The following CAPRIN2 variants were observed in gnomAD, a reference collection of about 807,000 sequenced individuals.
CAPRIN2 encodes the protein caprin-2.
A neutral mutation model predicts 130.4 loss-of-function variants in CAPRIN2; 66 were observed. The observed-to-expected ratio is 0.51, with a 90% CI of 0.42 to 0.62. The LOEUF (loss-of-function observed/expected upper bound fraction) is 0.62, where lower values mean the gene tolerates loss of function less well. CAPRIN2 is among the 20% of genes least tolerant of loss of function. The probability of loss-of-function intolerance (pLI) is 0.00; values close to 1 mark genes in which losing one functional copy is unlikely to be tolerated. For missense variants in CAPRIN2, 1,185 were observed against 1,246.6 expected (o/e 0.95, Z 0.74); for synonymous variants, 471 against 444.1 (o/e 1.06, Z -0.76).
chr12:30,734,934 G>A, intron 4 of CAPRIN2, 34 bp downstream of exon 5: 4 of 1,434,546 alleles, frequency 2.8e-6, no homozygotes, highest in Non-Finnish European at 3.9e-6. Flanking sequence ...AGTGTCAAGT[G>A]TTTCATTTCA....
At chr12:30,722,089 G>A (rs2059587034) in intron 11 of CAPRIN2, among the ~76,000 whole-genome samples, 1 of 152,142 alleles carries the variant, frequency 6.6e-6, no homozygotes, top group Non-Finnish European at 1.5e-5. Context: ...AGGCATCTTA[G>A]GCCACTTGAT....
At chr12:30,736,066 G>A (rs762584589) in intron 3 of CAPRIN2, among the ~76,000 whole-genome samples, 33 of 151,770 alleles carry the variant, frequency 2.2e-4, no homozygotes, top group Non-Finnish European at 4.1e-4. Flanking sequence ...GCTTGAGCCC[G>A]GGAGGTCAAG....
intron 5 of CAPRIN2, 26 bp downstream of exon 6, chr12:30,733,602 CA>C: frequency 2.7e-6 from 4 of 1,483,170 alleles, no homozygotes; most frequent in Non-Finnish European, 3.8e-6. Context: ...GTATTTACTG[CA>C]TAAGTCCAGA....
At chr12:30,725,554 A>T (rs901990932) in intron 9 of CAPRIN2, among the ~76,000 whole-genome samples, 2 of 152,170 alleles carry the variant, frequency 1.3e-5, no homozygotes, top group African/African-American at 4.8e-5. Flanking sequence ...TTTAACATAA[A>T]TTTACAATCT....
chr12:30,746,196 T>C (rs2070238872), intron 2 of CAPRIN2, among the ~76,000 whole-genome samples: 1 of 152,224 alleles, frequency 6.6e-6, no homozygotes, highest in African/African-American at 2.4e-5. Context: ...GCAGTGAAAG[T>C]ATTCTGTATG....
intron 3 of CAPRIN2, among the ~76,000 whole-genome samples, chr12:30,739,820 G>A (rs2066587283): frequency 6.6e-6 from 1 of 152,054 alleles, no homozygotes; most frequent in Non-Finnish European, 1.5e-5. Flanking sequence ...TAAAAATCAA[G>A]TGGAGCTGCA....
chr12:30,726,137 C>A (rs757059015), intron 8 of CAPRIN2, 49 bp from the exon 10 acceptor site: 3 of 1,345,392 alleles, frequency 2.2e-6, no homozygotes, highest in Non-Finnish European at 1.9e-6. Flanking sequence ...AATTCAAGAG[C>A]CTAATCTAGG....
chr12:30,753,784 T>C (rs753371173), exon 1 of CAPRIN2: 3 of 1,582,886 alleles, frequency 1.9e-6, no homozygotes, highest in Non-Finnish European at 2.6e-6. Flanking sequence ...AAGTAATTAG[T>C]GCCGCTAGCC....
At chr12:30,723,209 G>A in intron 11 of CAPRIN2, 50 bp downstream of exon 12, 1 of 1,267,580 alleles carries the variant, frequency 7.9e-7, no homozygotes, top group Non-Finnish European at 1.2e-6. Flanking sequence ...TCCAAAGCAA[G>A]AGCTTCTTCC....
chr12:30,729,972 C>A (rs2062088291), intron 7 of CAPRIN2, among the ~76,000 whole-genome samples: 1 of 152,194 alleles, frequency 6.6e-6, no homozygotes, highest in Non-Finnish European at 1.5e-5. Context: ...GTGTGCCAGA[C>A]CAAATTCTAA....
intron 2 of CAPRIN2, among the ~76,000 whole-genome samples, chr12:30,750,108 G>A (rs2072997701): frequency 6.6e-6 from 1 of 152,190 alleles, no homozygotes; most frequent in South Asian, 2.1e-4. Flanking sequence ...AATGCTGCAT[G>A]TCCAGCTAAG....
chr12:30,709,953 T>G (rs371420705), exon 17 of CAPRIN2: 3 of 1,612,014 alleles, frequency 1.9e-6, no homozygotes, highest in Non-Finnish European at 2.5e-6. Context: ...TCCAGCTACT[T>G]CCATAAATTG....
At chr12:30,736,183 C>G in intron 3 of CAPRIN2, among the ~76,000 whole-genome samples, 1 of 150,506 alleles carries the variant, frequency 6.6e-6, no homozygotes, top group South Asian at 2.1e-4. Flanking sequence ...AATTTGTGTA[C>G]ATAGATTGAG....
At chr12:30,727,653 T>C (rs2061337908) in intron 8 of CAPRIN2, among the ~76,000 whole-genome samples, 1 of 152,224 alleles carries the variant, frequency 6.6e-6, no homozygotes, top group Non-Finnish European at 1.5e-5. Flanking sequence ...CCAAGAATTA[T>C]TCAATGTAAG....
chr12:30,747,444 G>A (rs921666746), intron 2 of CAPRIN2, among the ~76,000 whole-genome samples: 5 of 152,102 alleles, frequency 3.3e-5, no homozygotes, highest in South Asian at 2.1e-4. Context: ...TTGGGAGGCC[G>A]AGGCGGGCAG....
intron 3 of CAPRIN2, among the ~76,000 whole-genome samples, chr12:30,739,433 GA>G (rs1247743867): frequency 1.3e-5 from 2 of 152,214 alleles, no homozygotes; most frequent in African/African-American, 4.8e-5. Flanking sequence ...GATAGGATTA[GA>G]AAAAATAACT....
At chr12:30,724,869 C>A (rs1485035485) in intron 9 of CAPRIN2, among the ~76,000 whole-genome samples, 1 of 152,068 alleles carries the variant, frequency 6.6e-6, no homozygotes, top group East Asian at 1.9e-4. Flanking sequence ...TGGTATGTGC[C>A]TGTAGTCCCA....
chr12:30,711,718 T>C (rs938642313), intron 15 of CAPRIN2, 89 bp from the exon 18 acceptor site: 1 of 1,009,682 alleles, frequency 9.9e-7, no homozygotes, highest in Non-Finnish European at 1.6e-6. Context: ...GCAAATAAGA[T>C]TAGTCCCCTT....
At chr12:30,709,903 C>T (rs1480975218) in exon 17 of CAPRIN2, 60 of 1,603,314 alleles carry the variant, frequency 3.7e-5, no homozygotes, top group Non-Finnish European at 4.9e-5. Context: ...TACTGACTTT[C>T]AATCTTGATA....
Sources: gnomAD v4.1 joint callset for allele counts (sites outside exome capture counted in the v4.1 genomes callset) on GRCh38, gnomAD v4.1.1 for gene constraint, MANE v1.5 for transcripts, NCBI Gene and HGNC (gene_info 2026-07-23, HGNC 2026-07-21) for gene names.